Variants in LIPI observed in about 807,000 individuals in gnomAD.
LIPI encodes lipase I.
A neutral mutation model predicts 50.6 loss-of-function variants in LIPI; 59 were observed. That is an observed-to-expected ratio of 1.16 (90% CI 0.94 to 1.45). LIPI has a LOEUF of 1.45. LIPI is among the 40% of genes most tolerant of loss of function. The pLI is 0.00. For missense variants in LIPI, 586 were observed against 536.3 expected (o/e 1.09, Z -0.92); for synonymous variants, 203 against 178.2 (o/e 1.14, Z -1.11).
At chr21:14,202,934 T>A (rs991075470) in intron 1 of LIPI, among the ~76,000 whole-genome samples, 5 of 151,996 alleles carry the variant, frequency 3.3e-5, no homozygotes, top group African/African-American at 7.3e-5. Flanking sequence ...AATCTACCCA[T>A]CTGACAAAGG....
chr21:14,136,253 C>A (rs2123023898), intron 9 of LIPI, among the ~76,000 whole-genome samples: 1 of 152,254 alleles, frequency 6.6e-6, no homozygotes, highest in African/African-American at 2.4e-5. Context: ...GGTAGAGCAC[C>A]AAGTGGGCTC....
chr21:14,196,176 G>A lies in LIPI; in HGVS notation c.47-6757C>T, dbSNP rs1411074747. Among the ~76,000 whole-genome samples, 179 of 77,982 alleles carry A rather than the reference G, an allele frequency of 2.3e-3. 2 individuals are homozygous for A. Among genetic ancestry groups the A allele is most frequent in the African/African-American group, 7.4e-3 (161 of 21,850 alleles). 51.2% of individuals were successfully genotyped at this position (77,982 alleles called of 152,430 possible). A position where few individuals can be genotyped will look rare whatever the true frequency, so the allele number is the denominator to read the frequency against. ...ATTGTAAAAAAAAAAAACAAAACAA[G>A]AAGTATATGGGTAAATAAACTGTGG... On this transcript the variant is annotated intron_variant, in intron 1 of 9. Coordinates refer to ENST00000681601, the MANE Select transcript of LIPI (RefSeq NM_001302998.2).
rs570583054 is a variant in LIPI at position 14,140,517 on chromosome 21, C to A, written c.1295+4106G>T. Among the ~76,000 whole-genome samples the A allele has an allele frequency of 2.0e-5, 3 of 151,950 alleles. No individual in the cohort carries two copies. The East Asian group carries it at 5.8e-4, about 29-fold the overall frequency. On this transcript the variant is annotated intron_variant, in intron 9 of 9. Transcript: ENST00000681601. ...TTAATTTTGTATATTTGTAGGCAACCGTAATATTTTTCTTTCAGTTTCCTG... is the reference window on the plus strand; with the variant it reads ...TTAATTTTGTATATTTGTAGGCAACAGTAATATTTTTCTTTCAGTTTCCTG...
At chr21:14,119,669 C>T (rs2016789145) in intron 9 of LIPI, among the ~76,000 whole-genome samples, 1 of 152,178 alleles carries the variant, frequency 6.6e-6, no homozygotes, top group South Asian at 2.1e-4. Flanking sequence ...CAGGCACCAG[C>T]ACTAGGGCTG....
rs939438679 is a variant in LIPI at position 14,200,273 on chromosome 21, A to T, written c.46+10527T>A. Among the ~76,000 whole-genome samples, 11 of 152,240 alleles carry T rather than the reference A, an allele frequency of 7.2e-5. No individual in the cohort carries two copies. In the East Asian group the frequency reaches 9.7e-4, roughly 13 times the overall value. ...GGGCAATCAGGCAAGATTTGAAAGA[A>T]ATAAAAGGCATCCAAATAGGGAGAG... On this transcript the variant is annotated intron_variant, in intron 1 of 9. Coordinates refer to ENST00000681601, the MANE Select transcript of LIPI (RefSeq NM_001302998.2).
chr21:14,174,560 T>C (rs1267238140), intron 4 of LIPI, among the ~76,000 whole-genome samples: 1 of 151,852 alleles, frequency 6.6e-6, no homozygotes, highest in African/African-American at 2.4e-5. Flanking sequence ...TTTTATTTTA[T>C]TTTATTTTTT....
chr21:14,195,539 C>G (rs1261737212), intron 1 of LIPI, among the ~76,000 whole-genome samples: 1 of 152,132 alleles, frequency 6.6e-6, no homozygotes, highest in Non-Finnish European at 1.5e-5. Context: ...TGGCAAAGGA[C>G]AGGCTATGCA....
Position 14,163,425 on chromosome 21 carries a change from A to T in LIPI, c.1000T>A (p.Phe334Ile). The T allele has an allele frequency of 1.4e-6, 2 of 1,429,724 alleles. No individual in the cohort carries two copies. The highest frequency in any genetic ancestry group is 2.0e-6 in the Non-Finnish European group (2 of 1,012,656). The allele number at this position is 1,429,724 out of a possible 1,614,324, so 88.6% of individuals were successfully genotyped here. The change falls in exon 7 of 10, where the codon TTC becomes ATC. Residue 334 changes from phenylalanine to isoleucine, a missense_variant. Coordinates refer to ENST00000681601, the MANE Select transcript of LIPI (RefSeq NM_001302998.2). The part of the protein sequence containing the change: ...VFLDTSGTYP[F>I]CTYYFVLSII... ...AAAATTGTTAATAACTTACTACAGAATGGATATGTACCACTTGTATCCAAA... is the reference window on the plus strand; with the variant it reads ...AAAATTGTTAATAACTTACTACAGATTGGATATGTACCACTTGTATCCAAA...
At chr21:14,171,475 GCTACAGTAAC>G (rs2018904556) in intron 4 of LIPI, among the ~76,000 whole-genome samples, 1 of 150,890 alleles carries the variant, frequency 6.6e-6, no homozygotes, top group Non-Finnish European at 1.5e-5. Context: ...ATACTACAAG[GCTACAGTAAC>G]CAAAACAGCA....
intron 9 of LIPI, among the ~76,000 whole-genome samples, chr21:14,125,539 GTGTTTTGTTT>G (rs369855887): frequency 1.3e-5 from 2 of 152,142 alleles, no homozygotes; most frequent in East Asian, 1.9e-4. Flanking sequence ...CAAGATGATA[GTGTTTTGTTT>G]TGTTTTGTTT....
intron 3 of LIPI, among the ~76,000 whole-genome samples, chr21:14,182,922 G>A (rs1438402830): frequency 2.0e-5 from 3 of 152,172 alleles, no homozygotes; most frequent in Non-Finnish European, 4.4e-5. Flanking sequence ...TAGATTCAAT[G>A]CCATCCCCAT....
At chr21:14,187,046 C>CA (rs1351714965) in intron 2 of LIPI, among the ~76,000 whole-genome samples, 1 of 152,150 alleles carries the variant, frequency 6.6e-6, no homozygotes. Context: ...CAGGTTGTGT[C>CA]AAAAACCTTA....
intron 4 of LIPI, among the ~76,000 whole-genome samples, chr21:14,174,758 C>G (rs1164057914): frequency 6.6e-6 from 1 of 152,002 alleles, no homozygotes; most frequent in African/African-American, 2.4e-5. Flanking sequence ...TTTCACCATG[C>G]CAGCCAGGCT....
At chr21:14,162,654 G>A (rs997397743) in intron 7 of LIPI, among the ~76,000 whole-genome samples, 1 of 151,774 alleles carries the variant, frequency 6.6e-6, no homozygotes, top group African/African-American at 2.4e-5. Flanking sequence ...AAAATGGACA[G>A]CCCCAATTCT....
At chr21:14,129,809 T>TTA (rs1555847505) in intron 9 of LIPI, among the ~76,000 whole-genome samples, 1 of 136,416 alleles carries the variant, frequency 7.3e-6, no homozygotes, top group African/African-American at 2.7e-5. Flanking sequence ...TTTTTTTTTT[T>TTA]AAAAAAAAAA....
At chr21:14,109,889 G>A (rs1232560617) in intron 9 of LIPI, among the ~76,000 whole-genome samples, 1 of 151,558 alleles carries the variant, frequency 6.6e-6, no homozygotes, top group Non-Finnish European at 1.5e-5. Flanking sequence ...TCACTGTCAT[G>A]AATTTTGATA....
intron 9 of LIPI, among the ~76,000 whole-genome samples, chr21:14,128,815 A>G (rs555244045): frequency 1.3e-5 from 2 of 152,230 alleles, no homozygotes; most frequent in East Asian, 3.9e-4. Context: ...ATAAAATTGC[A>G]ATCAATGCAG....
chr21:14,125,685 G>A (rs1254072850), intron 9 of LIPI, among the ~76,000 whole-genome samples: 2 of 151,884 alleles, frequency 1.3e-5, no homozygotes, highest in Non-Finnish European at 2.9e-5. Context: ...AGCCTACCGG[G>A]TAGCTAGGAC....
intron 9 of LIPI, among the ~76,000 whole-genome samples, chr21:14,133,081 A>T (rs2123006787): frequency 6.6e-6 from 1 of 152,324 alleles, no homozygotes; most frequent in East Asian, 1.9e-4. Flanking sequence ...CCAAACACAC[A>T]AGAAACTAAT....
Sources: allele counts gnomAD v4.1 joint callset (sites outside exome capture counted in the v4.1 genomes callset), GRCh38; gene constraint gnomAD v4.1.1; transcripts MANE v1.5; gene names NCBI Gene and HGNC (gene_info 2026-07-23, HGNC 2026-07-21).